GLCCI1: variants seen among roughly 807,000 people sequenced by gnomAD.
GLCCI1 encodes the protein glucocorticoid-induced transcript 1 protein.
A neutral mutation model predicts 52.2 loss-of-function variants in GLCCI1; 24 were observed. That is an observed-to-expected ratio of 0.46 (90% CI 0.33 to 0.65). The LOEUF is 0.65. GLCCI1 is among the 30% of genes least tolerant of loss of function. The pLI, the probability that GLCCI1 is intolerant of heterozygous loss-of-function variation, is 0.02. For missense variants in GLCCI1, 704 were observed against 701.5 expected (o/e 1.00, Z -0.04); for synonymous variants, 310 against 276.5 (o/e 1.12, Z -1.20).
chr7:8,010,057 A>G (rs1781234000), intron 2 of GLCCI1, among the ~76,000 whole-genome samples: 1 of 151,774 alleles, frequency 6.6e-6, no homozygotes, highest in Non-Finnish European at 1.5e-5. Context: ...TTTGAGTTTT[A>G]TAGGCCTTAA....
Position 8,063,615 on chromosome 7 carries a change from CTTTTTTTTTTTT to C in GLCCI1, c.966+3377_966+3388del, listed in dbSNP as rs917291629. Among the ~76,000 whole-genome samples, 3 of 113,664 alleles carry C rather than the reference CTTTTTTTTTTTT, an allele frequency of 2.6e-5. No individual in the cohort carries two copies. The East Asian group carries it at 7.7e-4, about 29-fold the overall frequency. 74.6% of individuals were successfully genotyped at this position (113,664 alleles called of 152,430 possible). On this transcript the variant is annotated intron_variant, in intron 5 of 7. Transcript: ENST00000223145. The stretch of plus-strand genomic sequence containing the variant: ...TGTGATTTGCCTACCACTTTTCTTC[CTTTTTTTTTTTT>C]TTTTTTTTTGAGACAGGGTCTTGCT...
intron 3 of GLCCI1, among the ~76,000 whole-genome samples, chr7:8,044,066 T>C (rs953690297): frequency 1.2e-4 from 18 of 151,680 alleles, no homozygotes; most frequent in African/African-American, 4.4e-4. Flanking sequence ...TGCCTCAGCC[T>C]CCCGAGTAGC....
At chr7:7,979,737 G>A (rs1377290487) in intron 1 of GLCCI1, among the ~76,000 whole-genome samples, 1 of 152,204 alleles carries the variant, frequency 6.6e-6, no homozygotes, top group African/African-American at 2.4e-5. Flanking sequence ...TAATAATACT[G>A]TGTAGTAATC....
chr7:8,038,836 C>T (rs1454149854), intron 3 of GLCCI1, among the ~76,000 whole-genome samples: 2 of 151,892 alleles, frequency 1.3e-5, no homozygotes, highest in South Asian at 4.1e-4. Context: ...CTACAGAATG[C>T]AAGAAAATAT....
chr7:8,033,822 T>G (rs190484852), intron 3 of GLCCI1, among the ~76,000 whole-genome samples: 7 of 151,882 alleles, frequency 4.6e-5, no homozygotes, highest in Non-Finnish European at 7.4e-5. Flanking sequence ...ATTCTCAAAT[T>G]GATATATAGA....
intron 6 of GLCCI1, among the ~76,000 whole-genome samples, chr7:8,079,359 TAC>T (rs1491136889): frequency 6.6e-6 from 1 of 151,842 alleles, no homozygotes; most frequent in Non-Finnish European, 1.5e-5. Context: ...AAGATTGTAT[TAC>T]AGTGATTTTC....
chr7:8,029,463 TA>T (rs1781698467), intron 3 of GLCCI1, among the ~76,000 whole-genome samples: 1 of 152,130 alleles, frequency 6.6e-6, no homozygotes, highest in Non-Finnish European at 1.5e-5. Flanking sequence ...TAATAAAAGC[TA>T]TATATCCCAC....
chr7:8,085,021 A>G lies in GLCCI1; in HGVS notation c.1298+4A>G. On this transcript the variant is annotated splice_donor_region_variant and intron_variant, in intron 7 of 7. Transcript: ENST00000223145. ...TGAAGGTCTTTGAGGAAATGGCGTA[A>G]GTAATGTCTTTTTTGTCAGCTGGGA... 1 of 1,613,714 alleles carries G rather than the reference A, an allele frequency of 6.2e-7. No homozygotes were observed. The highest frequency in any genetic ancestry group is 8.5e-7 in the Non-Finnish European group (1 of 1,179,872).
chr7:8,031,182 A>G (rs1480901792), intron 3 of GLCCI1, among the ~76,000 whole-genome samples: 1 of 152,210 alleles, frequency 6.6e-6, no homozygotes, highest in African/African-American at 2.4e-5. Flanking sequence ...TGTGGTACTT[A>G]TAGACAAAGC....
At chr7:8,072,301 G>T (rs146367110) in intron 6 of GLCCI1, among the ~76,000 whole-genome samples, 17 of 152,252 alleles carry the variant, frequency 1.1e-4, no homozygotes, top group African/African-American at 4.1e-4. Context: ...ATATTAAATG[G>T]AAGCTACTTT....
intron 2 of GLCCI1, among the ~76,000 whole-genome samples, chr7:8,007,149 T>G (rs1203507043): frequency 6.6e-6 from 1 of 152,204 alleles, no homozygotes; most frequent in Non-Finnish European, 1.5e-5. Context: ...AGGGCTTGTC[T>G]GGCTTGCATC....
At chr7:7,996,401 C>G (rs1039207015) in intron 1 of GLCCI1, among the ~76,000 whole-genome samples, 1 of 151,922 alleles carries the variant, frequency 6.6e-6, no homozygotes, top group East Asian at 1.9e-4. Flanking sequence ...AAATCTTTTG[C>G]CATATATGTA....
At chr7:8,084,370 G>C (rs1275306042) in intron 6 of GLCCI1, among the ~76,000 whole-genome samples, 1 of 152,100 alleles carries the variant, frequency 6.6e-6, no homozygotes, top group Non-Finnish European at 1.5e-5. Context: ...TTTTTATGTT[G>C]GGTAGGTAGA....
At chr7:8,031,359 T>A (rs533417028) in intron 3 of GLCCI1, among the ~76,000 whole-genome samples, 1 of 151,952 alleles carries the variant, frequency 6.6e-6, no homozygotes, top group African/African-American at 2.4e-5. Flanking sequence ...ATAGAACTCG[T>A]GGAACTAGAG....
Position 8,088,930 on chromosome 7 carries a change from G to C in GLCCI1, c.*2392G>C, listed in dbSNP as rs779934098. The C allele has an allele frequency of 6.6e-6, 1 of 152,600 alleles. No individual in the cohort carries two copies. The highest frequency in any genetic ancestry group is 1.5e-5 in the Non-Finnish European group (1 of 68,032). The allele number at this position is 152,600 out of a possible 1,614,324, so 9.5% of individuals were successfully genotyped here. On this transcript the variant is annotated 3_prime_UTR_variant, in exon 8 of 8. Transcript: ENST00000223145. ...AATTGTTTAAATTTTGTATATAATT[G>C]TACTGTTTAATTCTAGCCATTGCGC...
At position 8,051,774 on chromosome 7, in the gene GLCCI1, C is replaced by T. The variant is rs534078905; in HGVS notation, c.697-3659C>T. ...TGCATATTGACCATTTGGATATTCT[C>T]TTTGGCTAAGTACCTGTTCAAGTCT... is the stretch of plus-strand genomic sequence containing the variant. On this transcript the variant is annotated intron_variant, in intron 3 of 7. Coordinates refer to ENST00000223145, the MANE Select transcript of GLCCI1 (RefSeq NM_138426.4). 1.6e-4 allele frequency among the ~76,000 whole-genome samples: 24 copies of T among 152,256 alleles called. No individual in the cohort carries two copies. The South Asian group carries it at 4.6e-3, about 29-fold the overall frequency.
intron 1 of GLCCI1, among the ~76,000 whole-genome samples, chr7:8,001,907 G>C (rs1400169848): frequency 6.6e-6 from 1 of 152,124 alleles, no homozygotes; most frequent in Non-Finnish European, 1.5e-5. Flanking sequence ...GAGAACACTT[G>C]GACACAGGAA....
rs112096513 is a variant in GLCCI1, at chr7:7,991,034, A to T, written c.458-12874A>T. Among the ~76,000 whole-genome samples, 4 of 152,212 alleles carry T rather than the reference A, an allele frequency of 2.6e-5. 1 individual carries two copies. The highest frequency in any genetic ancestry group is 9.6e-5 in the African/African-American group (4 of 41,562). On this transcript the variant is annotated intron_variant, in intron 1 of 7. Coordinates refer to ENST00000223145, the MANE Select transcript of GLCCI1 (RefSeq NM_138426.4). The stretch of plus-strand genomic sequence containing the variant: ...AATCAGTGGTATCCAGACATATTTC[A>T]GTACAGATTTCTATTTATCATTTGC...
chr7:7,995,565 G>A (rs1384478491), intron 1 of GLCCI1, among the ~76,000 whole-genome samples: 1 of 152,156 alleles, frequency 6.6e-6, no homozygotes, highest in Non-Finnish European at 1.5e-5. Context: ...GGAATACTAT[G>A]CAGCCATAAA....
Sources: allele counts gnomAD v4.1 joint callset (sites outside exome capture counted in the v4.1 genomes callset), GRCh38; gene constraint gnomAD v4.1.1; transcripts MANE v1.5; gene names NCBI Gene and HGNC (gene_info 2026-07-23, HGNC 2026-07-21).